PCCA: variants seen among roughly 807,000 people sequenced by gnomAD.
The protein encoded by PCCA is propionyl-CoA carboxylase alpha chain, mitochondrial.
A neutral mutation model predicts 101.3 loss-of-function variants in PCCA; 74 were observed. The observed-to-expected ratio is 0.73, with a 90% CI of 0.61 to 0.89. The LOEUF (loss-of-function observed/expected upper bound fraction) is 0.89. Among genes scored for constraint, PCCA ranks in the 40% least tolerant of loss-of-function variants. The pLI is 0.00. For missense variants in PCCA, 891 were observed against 907.0 expected, an observed-to-expected ratio of 0.98 and a Z score of 0.23; for synonymous variants, 294 against 313.6, an observed-to-expected ratio of 0.94 and a Z score of 0.66.
chr13:100,271,850 G>C (rs562482982), intron 11 of PCCA, among the ~76,000 whole-genome samples: 8 of 152,306 alleles, frequency 5.3e-5, no homozygotes, highest in South Asian at 2.1e-4. Flanking sequence ...GGGTGGGCCT[G>C]GTAGAGAAGT....
chr13:100,226,416 A>T (rs1221276521), intron 7 of PCCA, among the ~76,000 whole-genome samples: 1 of 152,180 alleles, frequency 6.6e-6, no homozygotes, highest in Non-Finnish European at 1.5e-5. Context: ...AAGGATTGGT[A>T]AGTAGGCAGT....
intron 21 of PCCA, among the ~76,000 whole-genome samples, chr13:100,460,946 T>A (rs1023626015): frequency 6.6e-6 from 1 of 152,220 alleles, no homozygotes; most frequent in South Asian, 2.1e-4. Flanking sequence ...GCTGATAGAT[T>A]TATCAGTTCC....
intron 4 of PCCA, among the ~76,000 whole-genome samples, chr13:100,116,813 T>G (rs1210395721): frequency 6.6e-6 from 1 of 152,018 alleles, no homozygotes; most frequent in Admixed American, 6.6e-5. Context: ...ATATTTTAGA[T>G]TTTGCAGGCC....
intron 19 of PCCA, among the ~76,000 whole-genome samples, chr13:100,387,081 A>C (rs1002447216): frequency 1.3e-5 from 2 of 152,150 alleles, no homozygotes; most frequent in East Asian, 1.9e-4. Flanking sequence ...CATTAAATGG[A>C]GAGTGCTGGT....
chr13:100,506,382 G>C (rs1390036515), intron 21 of PCCA, among the ~76,000 whole-genome samples: 2 of 151,612 alleles, frequency 1.3e-5, no homozygotes, highest in Non-Finnish European at 2.9e-5. Flanking sequence ...CGCGGGCGGG[G>C]GTGGGGGCGG....
chr13:100,273,049 CATAT>C lies in PCCA; in HGVS notation c.915-143_915-140del, dbSNP rs1595054549. The C allele has an allele frequency of 3.2e-5, 20 of 630,120 alleles. No individual in the cohort carries two copies. In the East Asian group the frequency reaches 5.5e-4, roughly 17 times the overall value. The allele number at this position is 630,120 out of a possible 1,614,324, so 39.0% of individuals were successfully genotyped here. A position where few individuals can be genotyped will look rare whatever the true frequency, so the allele number is the denominator to read the frequency against. On this transcript the variant is annotated intron_variant, in intron 11 of 23. Coordinates refer to ENST00000376285, the MANE Select transcript of PCCA (RefSeq NM_000282.4). ...AATATAGTCAACATATATTATAAAA[CATAT>C]ATAAAGCACAATATTTTGAATTCTT...
chr13:100,406,768 A>G (rs1438947316), intron 19 of PCCA, among the ~76,000 whole-genome samples: 1 of 152,184 alleles, frequency 6.6e-6, no homozygotes, highest in African/African-American at 2.4e-5. Flanking sequence ...AAAACTAAAC[A>G]AGGATCAGCA....
intron 21 of PCCA, among the ~76,000 whole-genome samples, chr13:100,471,992 A>G (rs1027072569): frequency 2.0e-5 from 3 of 152,140 alleles, no homozygotes; most frequent in African/African-American, 7.2e-5. Context: ...GAGTGAGTGG[A>G]GTAGAATGCA....
chr13:100,210,116 T>G (rs1015997480), intron 7 of PCCA, among the ~76,000 whole-genome samples: 4 of 151,944 alleles, frequency 2.6e-5, no homozygotes, highest in African/African-American at 9.7e-5. Context: ...TAGCTAGGAC[T>G]GCAGACACAC....
At position 100,475,446 on chromosome 13, in the gene PCCA, A is replaced by G. The variant is rs9557436; in HGVS notation, c.1899+26141A>G. 4.5e-3 allele frequency among the ~76,000 whole-genome samples: 687 copies of G among 152,226 alleles called. 35 individuals carry two copies. In the East Asian group the frequency reaches 0.1, roughly 23 times the overall value. On this transcript the variant is annotated intron_variant, in intron 21 of 23. Coordinates refer to ENST00000376285, the MANE Select transcript of PCCA (RefSeq NM_000282.4). ...GTCGTCTTTTGTGGCTTTCACTTAC[A>G]TACTGGTATCCACATTGTAGCACAT...
intron 6 of PCCA, among the ~76,000 whole-genome samples, chr13:100,169,410 C>T (rs895790592): frequency 6.8e-6 from 1 of 146,272 alleles, no homozygotes; most frequent in African/African-American, 2.5e-5. Context: ...CACTACACTC[C>T]AGCCTGGGCG....
intron 6 of PCCA, among the ~76,000 whole-genome samples, chr13:100,202,670 G>T (rs1347077845): frequency 6.7e-6 from 1 of 148,910 alleles, no homozygotes; most frequent in Non-Finnish European, 1.5e-5. Context: ...TCTCTTCAAG[G>T]ATTCCTATTA....
chr13:100,465,586 C>T (rs1313387434), intron 21 of PCCA, among the ~76,000 whole-genome samples: 2 of 152,184 alleles, frequency 1.3e-5, no homozygotes, highest in Admixed American at 1.3e-4. Flanking sequence ...TAGAGCAGGG[C>T]AGTGTTATCT....
intron 6 of PCCA, among the ~76,000 whole-genome samples, chr13:100,202,292 C>T (rs1001559209): frequency 1.2e-4 from 19 of 152,080 alleles, no homozygotes; most frequent in African/African-American, 4.1e-4. Flanking sequence ...TATAATGGCA[C>T]CCCTGCACTC....
At chr13:100,517,290 A>G (rs1284425604) in intron 22 of PCCA, among the ~76,000 whole-genome samples, 4 of 152,220 alleles carry the variant, frequency 2.6e-5, no homozygotes, top group Admixed American at 2.0e-4. Flanking sequence ...AGGCCAGATC[A>G]GCGCAGCCTT....
intron 19 of PCCA, among the ~76,000 whole-genome samples, chr13:100,377,974 T>G (rs2152824386): frequency 6.6e-6 from 1 of 152,332 alleles, no homozygotes; most frequent in Middle Eastern, 3.4e-3. Flanking sequence ...GTGGCAACAT[T>G]AGAGTCTTTT....
chr13:100,094,151 C>T (rs908629489), intron 1 of PCCA, among the ~76,000 whole-genome samples: 2 of 150,990 alleles, frequency 1.3e-5, no homozygotes, highest in African/African-American at 2.4e-5. Flanking sequence ...TCACTTGAAC[C>T]CAGGAGGTGG....
chr13:100,176,109 C>T (rs1159206796), intron 6 of PCCA, among the ~76,000 whole-genome samples: 3 of 152,160 alleles, frequency 2.0e-5, no homozygotes, highest in East Asian at 1.9e-4. Flanking sequence ...TTCTGGGACT[C>T]ATTTTTTCCA....
rs577216726 is a variant in PCCA at position 100,360,686 on chromosome 13, C to T, written c.1644-7786C>T. ...ACCACGTGCTGCTGAGGATGTGGAG[C>T]GACAGGAGCTCTCATGCATTGCTGG... On this transcript the variant is annotated intron_variant, in intron 18 of 23. Transcript: ENST00000376285. Among the ~76,000 whole-genome samples, 83 of 152,222 alleles carry T rather than the reference C, an allele frequency of 5.5e-4. 2 individuals are homozygous for T. Among genetic ancestry groups the T allele is most frequent in the Middle Eastern group, 6.8e-3 (2 of 294 alleles).
Sources: allele counts gnomAD v4.1 joint callset (sites outside exome capture counted in the v4.1 genomes callset), GRCh38; gene constraint gnomAD v4.1.1; transcripts MANE v1.5; gene names NCBI Gene and HGNC (gene_info 2026-07-23, HGNC 2026-07-21).